COPA: variants seen among roughly 807,000 people sequenced by gnomAD.
COPA encodes the protein coatomer subunit alpha.
In COPA, 10 loss-of-function variants were observed where a neutral mutation model predicts 158.7. The observed-to-expected ratio is 0.06, with a 90% CI of 0.04 to 0.11. The LOEUF (loss-of-function observed/expected upper bound fraction) is 0.11, where lower values mean the gene tolerates loss of function less well. Among genes scored for constraint, COPA ranks in the 10% least tolerant of loss-of-function variants. COPA has a pLI of 1.00. For synonymous variants in COPA, 462 were observed against 542.8 expected, an observed-to-expected ratio of 0.85 and a Z score of 2.07; for missense variants, 1,065 against 1,536.7, an observed-to-expected ratio of 0.69 and a Z score of 5.13.
intron 21 of COPA, among the ~76,000 whole-genome samples, chr1:160,297,094 C>G (rs1343913400): frequency 6.6e-6 from 1 of 152,132 alleles, no homozygotes; most frequent in Non-Finnish European, 1.5e-5. Context: ...CCACTCAAGA[C>G]CTTTTAAAAC....
rs1658171235 is a variant in COPA, at chr1:160,290,064, T to C, written c.*93A>G. 4.4e-6 allele frequency: 5 copies of C among 1,124,452 alleles called. No homozygotes were observed. The highest frequency in any genetic ancestry group is 3.9e-5 in the South Asian group (3 of 76,022). The allele number at this position is 1,124,452 out of a possible 1,614,324, so 69.7% of individuals were successfully genotyped here. On this transcript the variant is annotated 3_prime_UTR_variant, in exon 33 of 33. Transcript: ENST00000241704. The stretch of plus-strand genomic sequence containing the variant: ...GGTACAGAGAGCCAGATCTGAAGAG[T>C]AGCTGCAGGGGGAAGGTGCTGTTAG...
chr1:160,337,861 C>T (rs552606180), intron 3 of COPA, among the ~76,000 whole-genome samples: 1 of 151,928 alleles, frequency 6.6e-6, no homozygotes, highest in African/African-American at 2.4e-5. Flanking sequence ...AAATACCATA[C>T]AATTTATTCA....
intron 1 of COPA, among the ~76,000 whole-genome samples, chr1:160,341,245 T>C (rs1487867178): frequency 6.6e-6 from 1 of 152,240 alleles, no homozygotes; most frequent in African/African-American, 2.4e-5. Flanking sequence ...CAGTTACACA[T>C]AGACATAGGC....
chr1:160,293,489 T>A, intron 25 of COPA, 26 bp from the exon 26 acceptor site: 1 of 1,535,432 alleles, frequency 6.5e-7, no homozygotes, highest in South Asian at 1.2e-5. Flanking sequence ...AAATTGAGTA[T>A]TGAGTAATTT....
intron 8 of COPA, among the ~76,000 whole-genome samples, chr1:160,314,396 A>T (rs1235955602): frequency 6.6e-6 from 1 of 152,152 alleles, no homozygotes; most frequent in Non-Finnish European, 1.5e-5. Flanking sequence ...TGGGAGGCTA[A>T]GGTAGGGGGA....
At position 160,339,892 on chromosome 1, in the gene COPA, T is replaced by C. The variant is rs1309604327; in HGVS notation, c.228+17A>G. 3 of 1,607,748 alleles carry C rather than the reference T, an allele frequency of 1.9e-6. No individual in the cohort carries two copies. In the East Asian group the frequency reaches 6.7e-5, roughly 36 times the overall value. ...ATCCTCTTTCCTTTATTCTCAGTTA[T>C]GACAGACCCTCTGTACCTTAATCTT... On this transcript the variant is annotated intron_variant, in intron 3 of 32. Transcript: ENST00000241704.
At chr1:160,309,231 T>C in intron 12 of COPA, 55 bp from the exon 13 acceptor site, 1 of 1,328,662 alleles carries the variant, frequency 7.5e-7, no homozygotes, top group Middle Eastern at 2.1e-4. Flanking sequence ...AAGATACCAG[T>C]TTTCCAATTT....
intron 6 of COPA, among the ~76,000 whole-genome samples, chr1:160,326,667 G>A (rs139031908): frequency 9.4e-4 from 143 of 152,286 alleles, no homozygotes; most frequent in Non-Finnish European, 1.5e-3. Flanking sequence ...AGAAGATAAC[G>A]TAAAACCATA....
intron 8 of COPA, among the ~76,000 whole-genome samples, chr1:160,318,469 AAAAAAAAAAAAAAAAAAAAAAAC>A (rs1009245515): frequency 3.7e-3 from 74 of 19,886 alleles, no homozygotes; most frequent in Middle Eastern, 0.02. Context: ...CAATATTTGT[AAAAAAAAAAAAAAAAAAAAAAAC>A]AAAAAAAAAA....
chr1:160,324,559 A>G (rs182102114), intron 7 of COPA, among the ~76,000 whole-genome samples: 13 of 151,252 alleles, frequency 8.6e-5, no homozygotes, highest in Non-Finnish European at 1.3e-4. Context: ...CGGTCTCCCA[A>G]AGTGCTGAGA....
At chr1:160,332,604 C>T (rs1428490059) in intron 5 of COPA, 47 bp from the exon 6 acceptor site, 1 of 1,339,356 alleles carries the variant, frequency 7.5e-7, no homozygotes, top group South Asian at 1.3e-5. Flanking sequence ...TGGAAGTCAA[C>T]AGACTCCTAA....
At chr1:160,323,129 T>C (rs935086109) in intron 8 of COPA, among the ~76,000 whole-genome samples, 14 of 152,116 alleles carry the variant, frequency 9.2e-5, no homozygotes, top group Non-Finnish European at 1.9e-4. Flanking sequence ...ATATGGCATG[T>C]TCTCACTCAC....
At chr1:160,339,768 C>T in intron 3 of COPA, 141 bp downstream of exon 3, 1 of 672,462 alleles carries the variant, frequency 1.5e-6, no homozygotes. Flanking sequence ...TAAATGTTTG[C>T]TGAGTAAGTT....
intron 13 of COPA, among the ~76,000 whole-genome samples, chr1:160,307,760 G>A (rs1658837055): frequency 1.3e-5 from 2 of 152,246 alleles, no homozygotes; most frequent in Admixed American, 1.3e-4. Flanking sequence ...CTCTGTAAAT[G>A]TCAACTGACC....
In COPA at chr1:160,293,207, C is replaced by G; in HGVS notation, c.2782G>C (p.Val928Leu). 1 of 1,614,208 alleles carries G rather than the reference C, an allele frequency of 6.2e-7. No homozygotes were observed. The highest frequency in any genetic ancestry group is 1.3e-5 in the African/African-American group (1 of 75,048). Residue 928 changes from valine to leucine, a missense_variant, in exon 27 of 33, where the codon GTT (valine) becomes CTT (leucine). Around this residue, in one of 2 missense-constraint regions of COPA, gnomAD observed 980 missense variants for 1,357.8 expected, o/e 0.72. Coordinates refer to ENST00000241704, the MANE Select transcript of COPA (RefSeq NM_004371.4). Reference protein sequence around the residue: ...QIWCNNSQLPVDHILAGSFET... With the variant: ...QIWCNNSQLPLDHILAGSFET... Reference sequence around the variant, plus strand: ...AAAGAGCCTGCCAGGATGTGATCAACTGGAAGCTGAGAGTTATTACACCAG... The same window carrying G: ...AAAGAGCCTGCCAGGATGTGATCAAGTGGAAGCTGAGAGTTATTACACCAG...
intron 14 of COPA, 68 bp from the exon 15 acceptor site, chr1:160,306,561 G>A (rs2101837842): frequency 3.8e-6 from 6 of 1,583,044 alleles, no homozygotes; most frequent in Non-Finnish European, 5.2e-6. Context: ...AACTGATGAT[G>A]TTCCTCAGCA....
chr1:160,316,468 T>C (rs1001339267), intron 8 of COPA, among the ~76,000 whole-genome samples: 1 of 151,588 alleles, frequency 6.6e-6, no homozygotes, highest in Non-Finnish European at 1.5e-5. Context: ...TTAAGAACAA[T>C]TGGCTGGCGT....
intron 22 of COPA, 96 bp from the exon 23 acceptor site, chr1:160,295,955 C>T (rs1658388046): frequency 5.1e-6 from 8 of 1,578,246 alleles, no homozygotes; most frequent in Middle Eastern, 1.7e-4. Context: ...TGTTTCTCTG[C>T]CTCTCCTGGT....
rs746783648 is a variant in COPA at position 160,297,449 on chromosome 1, T to C, written c.2168-11A>G. Reference sequence around the variant, plus strand: ...CCTTTCTGATCTCAGCTGCACCAAGTAAGAGACACCAAGTTAGGTCTTTTC... The same window carrying C: ...CCTTTCTGATCTCAGCTGCACCAAGCAAGAGACACCAAGTTAGGTCTTTTC... On this transcript the variant is annotated splice_polypyrimidine_tract_variant and intron_variant, in intron 20 of 32. Transcript: ENST00000241704. The C allele has an allele frequency of 1.3e-5, 21 of 1,613,896 alleles. No individual in the cohort carries two copies. Among genetic ancestry groups the C allele is most frequent in the Non-Finnish European group, 5.1e-6 (6 of 1,179,916 alleles).
Sources: allele counts gnomAD v4.1 joint callset (sites outside exome capture counted in the v4.1 genomes callset), GRCh38; gene constraint gnomAD v4.1.1; regional missense constraint gnomAD v4.1.1; transcripts MANE v1.5; gene names NCBI Gene and HGNC (gene_info 2026-07-23, HGNC 2026-07-21).